The following RFLNA variants were observed in gnomAD, a reference collection of about 807,000 sequenced individuals.
RFLNA encodes the protein refilin-A.
In RFLNA, 5 loss-of-function variants were observed where a neutral mutation model predicts 7.8. That is an observed-to-expected ratio of 0.64 (90% CI 0.34 to 1.35). The LOEUF (loss-of-function observed/expected upper bound fraction) is 1.35, where lower values mean the gene tolerates loss of function less well. RFLNA is among the 40% of genes most tolerant of loss of function. The pLI is 0.04. For synonymous variants in RFLNA, 141 were observed against 131.3 expected (o/e 1.07, Z -0.50); for missense variants, 278 against 305.5 (o/e 0.91, Z 0.67).
Position 124,301,499 on chromosome 12 carries a change from C to T in RFLNA, c.207+5863C>T, listed in dbSNP as rs143102608. Among the ~76,000 whole-genome samples the T allele has an allele frequency of 2.6e-3, 393 of 152,316 alleles. 1 individual carries two copies. The highest frequency in any genetic ancestry group is 8.9e-3 in the African/African-American group (372 of 41,578). On this transcript the variant is annotated intron_variant, in intron 1 of 2. Coordinates refer to ENST00000546355, the MANE Select transcript of RFLNA (RefSeq NM_001365156.1). ...GTCCTGTCTGCCCTCCAGTGCTCGGCCTCCCTGCGGGGCACGGTACATGGA... is the reference window on the plus strand; with the variant it reads ...GTCCTGTCTGCCCTCCAGTGCTCGGTCTCCCTGCGGGGCACGGTACATGGA...
intron 1 of RFLNA, among the ~76,000 whole-genome samples, chr12:124,302,831 C>CGAGGTCAGAGGGCCGAGGTCAGGGGCT: frequency 2.0e-5 from 3 of 146,514 alleles, no homozygotes; most frequent in African/African-American, 7.7e-5. Flanking sequence ...GGTCAGGGGC[C>CGAGGTCAGAGGGCCGAGGTCAGGGGCT]GAGGTCAGAG....
In RFLNA at chr12:124,303,858, T is replaced by C. The variant is rs981007225; in HGVS notation, c.208-7960T>C. ...CTCACAGACCGGCTGGGGGTGGGGG[T>C]GGGGAGCGGGCCTGTCTGGGGGCTT... is the stretch of plus-strand genomic sequence containing the variant. On this transcript the variant is annotated intron_variant, in intron 1 of 2. Transcript: ENST00000546355. 1.7e-4 allele frequency among the ~76,000 whole-genome samples: 25 copies of C among 150,014 alleles called. 1 individual carries two copies. Among genetic ancestry groups the C allele is most frequent in the African/African-American group, 5.9e-4 (24 of 40,802 alleles).
chr12:124,308,294 T>C (rs2034173270), intron 1 of RFLNA, among the ~76,000 whole-genome samples: 1 of 152,188 alleles, frequency 6.6e-6, no homozygotes, highest in Non-Finnish European at 1.5e-5. Flanking sequence ...TGTCCACGCT[T>C]CTTGTAGGGA....
upstream of RFLNA, among the ~76,000 whole-genome samples, chr12:124,292,934 C>T (rs7295354): frequency 0.44 from 66,193 of 152,034 alleles, 15,815 homozygotes; most frequent in African/African-American, 0.63. Flanking sequence ...AACATTTTAT[C>T]TTATTTTGAG....
rs1194079130 is a variant in RFLNA at position 124,315,533 on chromosome 12, T to C, written c.*1008T>C. 6.6e-6 allele frequency: 1 copy of C among 152,272 alleles called. No individual in the cohort carries two copies. The highest frequency in any genetic ancestry group is 6.5e-5 in the Admixed American group (1 of 15,292). 9.4% of individuals were successfully genotyped at this position (152,272 alleles called of 1,614,324 possible). The stretch of plus-strand genomic sequence containing the variant: ...AATCGATTCCGCAATGACAGCACCT[T>C]ACTCCTTCCTGCGGCAGGCTCACCC... On this transcript the variant is annotated 3_prime_UTR_variant, in exon 3 of 3. Transcript: ENST00000546355.
chr12:124,302,451 G>A (rs1002042701), intron 1 of RFLNA, among the ~76,000 whole-genome samples: 1 of 152,046 alleles, frequency 6.6e-6, no homozygotes, highest in Non-Finnish European at 1.5e-5. Context: ...GACCCACTCG[G>A]GGTCTCCTGG....
intron 1 of RFLNA, among the ~76,000 whole-genome samples, chr12:124,307,086 G>C (rs1338947001): frequency 6.6e-6 from 1 of 152,220 alleles, no homozygotes; most frequent in Non-Finnish European, 1.5e-5. Context: ...AGACGCTGGG[G>C]TGTAAGGGAT....
At chr12:124,309,416 T>A (rs2034197441) in intron 1 of RFLNA, among the ~76,000 whole-genome samples, 1 of 152,200 alleles carries the variant, frequency 6.6e-6, no homozygotes, top group Admixed American at 6.5e-5. Context: ...TTTGCCACCA[T>A]GGCAGCAGTA....
At chr12:124,292,248 C>A (rs1044568170), upstream of RFLNA, among the ~76,000 whole-genome samples, 1 of 152,146 alleles carries the variant, frequency 6.6e-6, no homozygotes, top group Non-Finnish European at 1.5e-5. Flanking sequence ...AGCATAAGGG[C>A]CTCCGTAGAC....
Position 124,295,564 on chromosome 12 carries a change from C to T in RFLNA, c.135C>T (p.Pro45=). The T allele has an allele frequency of 4.9e-6, 6 of 1,223,004 alleles. No individual in the cohort carries two copies. The highest frequency in any genetic ancestry group is 3.3e-5 in the South Asian group (1 of 30,040). The allele number at this position is 1,223,004 out of a possible 1,614,324, so 75.8% of individuals were successfully genotyped here. A position where few individuals can be genotyped will look rare whatever the true frequency, so the allele number is the denominator to read the frequency against. ...GCCCGCCCTTCTACTCCCTGGCGCC[C>T]GGCATCCTCGACGCGCGCGCGGGGG... ...SPSPPFYSLA[P]GILDARAGGA... Residue 45 remains proline (P), a synonymous_variant, in exon 1 of 3, where the codon CCC becomes CCT. Transcript: ENST00000546355.
intron 2 of RFLNA, 152 bp downstream of exon 2, chr12:124,312,079 T>A: frequency 1.1e-6 from 1 of 949,564 alleles, no homozygotes; most frequent in Non-Finnish European, 1.5e-6. Context: ...TGCTGCTTCC[T>A]GGGGAGTTTG....
intron 1 of RFLNA, among the ~76,000 whole-genome samples, chr12:124,309,891 A>G (rs2034207646): frequency 6.6e-6 from 1 of 152,174 alleles, no homozygotes; most frequent in African/African-American, 2.4e-5. Context: ...TTTAGGGGCC[A>G]GGCGTGGTGG....
intron 1 of RFLNA, 128 bp downstream of exon 1, chr12:124,295,764 G>C: frequency 1.0e-6 from 1 of 996,598 alleles, no homozygotes; most frequent in Non-Finnish European, 1.3e-6. Flanking sequence ...AACCACGAAG[G>C]TGGCCAGTGA....
intron 1 of RFLNA, among the ~76,000 whole-genome samples, chr12:124,302,813 G>GGGGTCGAGGTCAGA (rs2034064777): frequency 1.5e-5 from 1 of 68,336 alleles, no homozygotes; most frequent in Non-Finnish European, 3.5e-5. Context: ...GCTGAGGTCA[G>GGGGTCGAGGTCAGA]GGGCCGAGGT....
chr12:124,308,088 C>T (rs1303510402), intron 1 of RFLNA, among the ~76,000 whole-genome samples: 1 of 151,660 alleles, frequency 6.6e-6, no homozygotes, highest in Non-Finnish European at 1.5e-5. Flanking sequence ...TTTGAGCGAT[C>T]CTCCTGCCTC....
At chr12:124,296,287 G>A (rs2033926364) in intron 1 of RFLNA, among the ~76,000 whole-genome samples, 1 of 149,022 alleles carries the variant, frequency 6.7e-6, no homozygotes, top group South Asian at 2.2e-4. Flanking sequence ...GGGAGGGGGA[G>A]GCTGGAACCT....
chr12:124,293,777 G>C (rs73223550), upstream of RFLNA, among the ~76,000 whole-genome samples: 16,550 of 152,122 alleles, frequency 0.11, 1,066 homozygotes, highest in African/African-American at 0.17. Flanking sequence ...GTCAGTGTCC[G>C]GCATGCACCT....
chr12:124,295,351 C>T lies in RFLNA; in HGVS notation c.-79C>T, dbSNP rs1206087386. ...CCCGGGCGCGCAGCTCTCGCCCCGC[C>T]GCCGCCTGCCCCGGGCCCCGGAGCG... On this transcript the variant is annotated 5_prime_UTR_variant, in exon 1 of 3. Coordinates refer to ENST00000546355, the MANE Select transcript of RFLNA (RefSeq NM_001365156.1). The T allele has an allele frequency of 2.3e-6, 2 of 888,550 alleles. No homozygotes were observed. Among genetic ancestry groups the T allele is most frequent in the African/African-American group, 3.5e-5 (2 of 56,794 alleles). The allele number at this position is 888,550 out of a possible 1,614,324, so 55.0% of individuals were successfully genotyped here.
intron 1 of RFLNA, among the ~76,000 whole-genome samples, chr12:124,310,342 G>C (rs954178952): frequency 9.9e-5 from 15 of 152,008 alleles, no homozygotes; most frequent in African/African-American, 3.4e-4. Context: ...AGGCCTGTGA[G>C]GCTGAGTCTG....
Sources: gnomAD v4.1 joint callset for allele counts (sites outside exome capture counted in the v4.1 genomes callset) on GRCh38, gnomAD v4.1.1 for gene constraint, MANE v1.5 for transcripts, NCBI Gene and HGNC (gene_info 2026-07-23, HGNC 2026-07-21) for gene names.